RBPJ: variants seen among roughly 807,000 people sequenced by gnomAD.
RBPJ encodes the protein recombination signal binding protein for immunoglobulin kappa J region, also known as recombining binding protein suppressor of hairless.
Under a neutral mutation model 67.8 loss-of-function variants are expected in RBPJ, and 9 were observed. The observed-to-expected ratio is 0.13, with a 90% confidence interval of 0.08 to 0.23. RBPJ has a LOEUF of 0.23. Ranked by LOEUF, RBPJ falls within the 10% of genes least tolerant of loss-of-function variation. The pLI, the probability that RBPJ is intolerant of heterozygous loss-of-function variation, is 1.00. For synonymous variants in RBPJ, 198 were observed against 203.3 expected, an observed-to-expected ratio of 0.97 and a Z score of 0.22; for missense variants, 305 against 595.6, an observed-to-expected ratio of 0.51 and a Z score of 5.08.
intron 1 of RBPJ, among the ~76,000 whole-genome samples, chr4:26,242,372 G>A (rs571410889): frequency 4.2e-4 from 63 of 151,230 alleles, no homozygotes; most frequent in African/African-American, 1.4e-3. Flanking sequence ...GCGTGAACCC[G>A]AGAGGTGGAA....
At chr4:26,262,361 C>T (rs141259589) in intron 1 of RBPJ, among the ~76,000 whole-genome samples, 27 of 152,308 alleles carry the variant, frequency 1.8e-4, no homozygotes, top group South Asian at 4.1e-4. Flanking sequence ...AGGCACACAC[C>T]GTCACACCCG....
At chr4:26,306,611 G>C (rs1314822477) in intron 1 of RBPJ, among the ~76,000 whole-genome samples, 2 of 151,710 alleles carry the variant, frequency 1.3e-5, no homozygotes, top group Non-Finnish European at 2.9e-5. Flanking sequence ...CACCATGCCC[G>C]GCCAATTTTT....
intron 1 of RBPJ, among the ~76,000 whole-genome samples, chr4:26,277,114 TAAA>T (rs34364319): frequency 5.8e-5 from 8 of 137,206 alleles, no homozygotes; most frequent in African/African-American, 2.2e-4. Context: ...ACCCCATTTC[TAAA>T]AAAAAAAAAA....
chr4:26,362,878 T>C (rs187005114), intron 1 of RBPJ, among the ~76,000 whole-genome samples: 1 of 152,330 alleles, frequency 6.6e-6, no homozygotes, highest in Admixed American at 6.5e-5. Flanking sequence ...CCTAAGTTTT[T>C]ATAGTAATGG....
intron 1 of RBPJ, among the ~76,000 whole-genome samples, chr4:26,357,334 G>T (rs767869641): frequency 5.3e-5 from 8 of 152,196 alleles, no homozygotes; most frequent in Non-Finnish European, 8.8e-5. Flanking sequence ...TCAAACTCAA[G>T]TAGTGTTACA....
At chr4:26,328,307 T>A (rs927592079) in intron 1 of RBPJ, among the ~76,000 whole-genome samples, 1 of 152,144 alleles carries the variant, frequency 6.6e-6, no homozygotes, top group African/African-American at 2.4e-5. Context: ...TTAATAACAA[T>A]ATATTTATTA....
At chr4:26,261,565 A>G (rs534503831) in intron 1 of RBPJ, among the ~76,000 whole-genome samples, 2 of 152,318 alleles carry the variant, frequency 1.3e-5, no homozygotes, top group Non-Finnish European at 2.9e-5. Flanking sequence ...TTCCAAATGA[A>G]ATCAGTTTTT....
intron 1 of RBPJ, among the ~76,000 whole-genome samples, chr4:26,189,921 AAC>A (rs1023892218): frequency 6.6e-6 from 1 of 152,138 alleles, no homozygotes; most frequent in Non-Finnish European, 1.5e-5. Flanking sequence ...ACTTTTCTTA[AAC>A]ACACAAGTTC....
At chr4:26,174,522 T>C (rs1315024882) in intron 1 of RBPJ, among the ~76,000 whole-genome samples, 2 of 152,142 alleles carry the variant, frequency 1.3e-5, no homozygotes, top group African/African-American at 4.8e-5. Flanking sequence ...CAAGCTGCAG[T>C]GCAGTGGTGC....
intron 1 of RBPJ, among the ~76,000 whole-genome samples, chr4:26,248,073 A>T (rs1246951858): frequency 1.3e-5 from 2 of 152,116 alleles, no homozygotes; most frequent in African/African-American, 4.8e-5. Context: ...GCGGGGCATC[A>T]TGAGGTCTGG....
chr4:26,427,329 A>G (rs1735774696), intron 7 of RBPJ, among the ~76,000 whole-genome samples: 1 of 152,198 alleles, frequency 6.6e-6, no homozygotes. Flanking sequence ...AAATCCAAAA[A>G]TCTGTTTTCG....
intron 1 of RBPJ, among the ~76,000 whole-genome samples, chr4:26,178,898 CAAAT>C (rs1716887993): frequency 2.0e-5 from 3 of 152,084 alleles, no homozygotes; most frequent in Admixed American, 2.0e-4. Context: ...TAAAAATAAA[CAAAT>C]AAGTTATATA....
At chr4:26,301,448 C>T (rs912385359) in intron 1 of RBPJ, among the ~76,000 whole-genome samples, 28 of 151,880 alleles carry the variant, frequency 1.8e-4, no homozygotes, top group Non-Finnish European at 4.0e-4. Context: ...AAAAATTAGC[C>T]GGGCGTGGTG....
chr4:26,279,723 T>G, intron 1 of RBPJ, among the ~76,000 whole-genome samples: 1 of 151,628 alleles, frequency 6.6e-6, no homozygotes, highest in East Asian at 1.9e-4. Context: ...ATGCCACAAT[T>G]AAAACTTCTC....
chr4:26,200,709 T>A (rs1717953583), intron 1 of RBPJ, among the ~76,000 whole-genome samples: 1 of 152,064 alleles, frequency 6.6e-6, no homozygotes, highest in Non-Finnish European at 1.5e-5. Flanking sequence ...ATGCCCACTG[T>A]ACTATCCTCC....
chr4:26,153,561 A>G, the RBPJ span, among the ~76,000 whole-genome samples: 1 of 152,222 alleles, frequency 6.6e-6, no homozygotes, highest in Non-Finnish European at 1.5e-5. Flanking sequence ...GCTAGTGGAT[A>G]GCTTTTTTCA....
At chr4:26,179,832 A>G (rs890354425) in intron 1 of RBPJ, among the ~76,000 whole-genome samples, 6 of 152,198 alleles carry the variant, frequency 3.9e-5, no homozygotes, top group South Asian at 2.1e-4. Context: ...TACCCAAAGG[A>G]CTATATTAAT....
intron 1 of RBPJ, among the ~76,000 whole-genome samples, chr4:26,305,533 C>T (rs945005110): frequency 1.3e-5 from 2 of 152,076 alleles, no homozygotes; most frequent in African/African-American, 2.4e-5. Flanking sequence ...ATAAAGCTTG[C>T]ACTTCTTTTT....
chr4:26,167,165 G>C (rs79238576), intron 1 of RBPJ, among the ~76,000 whole-genome samples: 1 of 151,280 alleles, frequency 6.6e-6, no homozygotes, highest in Non-Finnish European at 1.5e-5. Flanking sequence ...CTCCAGCTTT[G>C]TTCTTTTGGC....
Sources: gnomAD v4.1 joint callset for allele counts (sites outside exome capture counted in the v4.1 genomes callset) on GRCh38, gnomAD v4.1.1 for gene constraint, MANE v1.5 for transcripts, NCBI Gene and HGNC (gene_info 2026-07-23, HGNC 2026-07-21) for gene names.